CIDEC: variants seen among roughly 807,000 people sequenced by gnomAD.
The protein encoded by CIDEC is cell death inducing DFFA like effector c, also known as lipid transferase CIDEC.
In CIDEC, 11 loss-of-function variants were observed where a neutral mutation model predicts 21.9. The observed-to-expected ratio is 0.50, with a 90% confidence interval of 0.32 to 0.83. The LOEUF is 0.83. Among genes scored for constraint, CIDEC ranks in the 40% least tolerant of loss-of-function variants. CIDEC has a pLI of 0.04. For synonymous variants in CIDEC, 127 were observed against 124.9 expected, an observed-to-expected ratio of 1.02 and a Z score of -0.11; for missense variants, 302 against 302.3, an observed-to-expected ratio of 1.00 and a Z score of 0.01.
In CIDEC at chr3:9,878,473, A is replaced by G. The variant is rs2082458552; in HGVS notation, c.14T>C (p.Met5Thr). Reference protein sequence around the residue: MEYAMKSLSLLYPKS... With the variant: MEYATKSLSLLYPKS... ...GGGGTAGAGAAGGCTAAGGGACTTCATGGCGTATTCCATCCTTGTCAGCTG... is the reference window on the plus strand; with the variant it reads ...GGGGTAGAGAAGGCTAAGGGACTTCGTGGCGTATTCCATCCTTGTCAGCTG... The change falls in exon 3 of 7, where the codon ATG (methionine) becomes ACG (threonine). Residue 5 changes from methionine (M) to threonine (T), a missense_variant. Coordinates refer to ENST00000336832, the MANE Select transcript of CIDEC (RefSeq NM_001321142.2). 1 of 1,614,094 alleles carries G rather than the reference A, an allele frequency of 6.2e-7. No homozygotes were observed. Among genetic ancestry groups the G allele is most frequent in the African/African-American group, 1.3e-5 (1 of 75,040 alleles).
At chr3:9,874,212 CAAATAAAT>C (rs75119489) in intron 4 of CIDEC, among the ~76,000 whole-genome samples, 2 of 151,804 alleles carry the variant, frequency 1.3e-5, no homozygotes, top group East Asian at 1.9e-4. Context: ...CCTTTTGAAA[CAAATAAAT>C]AAATAAATAA....
intron 4 of CIDEC, among the ~76,000 whole-genome samples, chr3:9,876,774 A>AAC (rs1310124495): frequency 7.6e-6 from 1 of 130,792 alleles, no homozygotes; most frequent in African/African-American, 2.8e-5. Context: ...AAAAAAAAAA[A>AAC]AAAAAAAAAA....
At chr3:9,876,279 G>A (rs1189213192) in intron 4 of CIDEC, among the ~76,000 whole-genome samples, 2 of 152,138 alleles carry the variant, frequency 1.3e-5, no homozygotes, top group Non-Finnish European at 2.9e-5. Flanking sequence ...TTTGAGACCA[G>A]CCTGGCCAAC....
In CIDEC at chr3:9,876,418, G is replaced by A. The variant is rs2125051163; in HGVS notation, c.207+648C>T. On this transcript the variant is annotated intron_variant, in intron 4 of 6. Transcript: ENST00000336832. ...GAACCTGGGAGGCGGAGACTTCAGT[G>A]AGCTGAGATCATGCCACTGCACTAC... 2.0e-5 allele frequency among the ~76,000 whole-genome samples: 3 copies of A among 152,196 alleles called. No homozygotes were observed. In the South Asian group the frequency reaches 6.2e-4, roughly 32 times the overall value.
rs143103983 is a variant in CIDEC at position 9,874,659 on chromosome 3, T to A, written c.207+2407A>T. 4.6e-5 allele frequency among the ~76,000 whole-genome samples: 7 copies of A among 152,296 alleles called. No individual in the cohort carries two copies. In the East Asian group the frequency reaches 1.3e-3, roughly 29 times the overall value. ...AAAATGTTACATAGAGAAGCTTGACTGTACCTACCACTTTATTCAAATAAT... is the reference window on the plus strand; with the variant it reads ...AAAATGTTACATAGAGAAGCTTGACAGTACCTACCACTTTATTCAAATAAT... On this transcript the variant is annotated intron_variant, in intron 4 of 6. Transcript: ENST00000336832.
At chr3:9,877,286 GCCAC>G in intron 3 of CIDEC, 67 bp from the exon 4 acceptor site, 2 of 1,464,794 alleles carry the variant, frequency 1.4e-6, no homozygotes, top group Non-Finnish European at 1.9e-6. Context: ...ACACAGGGGA[GCCAC>G]CTCCCCACCC....
Position 9,867,313 on chromosome 3 carries a change from G to A in CIDEC, c.555-17C>T. 6.2e-7 allele frequency: 1 copy of A among 1,613,834 alleles called. No homozygotes were observed. Among genetic ancestry groups the A allele is most frequent in the Non-Finnish European group, 8.5e-7 (1 of 1,179,920 alleles). On this transcript the variant is annotated splice_polypyrimidine_tract_variant and intron_variant, in intron 6 of 6. Coordinates refer to ENST00000336832, the MANE Select transcript of CIDEC (RefSeq NM_001321142.2). The stretch of plus-strand genomic sequence containing the variant: ...AAAGCTTCCCTGGGTGGAATGAGAG[G>A]GCACGCAAGTCAAAACCACGAAGTA...
Position 9,872,697 on chromosome 3 carries a change from A to G in CIDEC, c.208-2375T>C, listed in dbSNP as rs889868388. Among the ~76,000 whole-genome samples, 3 of 152,104 alleles carry G rather than the reference A, an allele frequency of 2.0e-5. No homozygotes were observed. The East Asian group carries it at 5.8e-4, about 29-fold the overall frequency. On this transcript the variant is annotated intron_variant, in intron 4 of 6. Coordinates refer to ENST00000336832, the MANE Select transcript of CIDEC (RefSeq NM_001321142.2). ...TCTTGCTAGTGTCCCTTGATATACA[A>G]AAGTTTTAGGCTGGGCGTAGTGGCT...
chr3:9,878,645 C>T, intron 2 of CIDEC, 134 bp from the exon 3 acceptor site: 1 of 1,258,692 alleles, frequency 7.9e-7, no homozygotes, highest in Non-Finnish European at 1.1e-6. Context: ...TCACACATAC[C>T]TCCCCCAGCC....
intron 4 of CIDEC, among the ~76,000 whole-genome samples, chr3:9,871,006 T>C (rs1482284234): frequency 6.6e-6 from 1 of 151,970 alleles, no homozygotes; most frequent in Non-Finnish European, 1.5e-5. Context: ...GATTTTAAAA[T>C]CTATTTATCA....
Position 9,867,263 on chromosome 3 carries a change from C to A in CIDEC, c.588G>T (p.Gln196His). The A allele has an allele frequency of 6.2e-7, 1 of 1,614,198 alleles. No individual in the cohort carries two copies. The highest frequency in any genetic ancestry group is 8.5e-7 in the Non-Finnish European group (1 of 1,180,042). ...TGCCAAGCAGTACGTGGCCTGTGGC[C>A]TGCATGCTGAAGAGGGCCCAGCGGA... ...EAFRWALFSMQATGHVLLGTS... is the reference protein window; with the variant it reads ...EAFRWALFSMHATGHVLLGTS... Residue 196 changes from glutamine (Q) to histidine (H), a missense_variant, in exon 7 of 7, where the codon CAG becomes CAT. Physicochemically the swap from Gln to His is conservative, Grantham distance 24. Coordinates refer to ENST00000336832, the MANE Select transcript of CIDEC (RefSeq NM_001321142.2).
chr3:9,874,933 A>G (rs994954113), intron 4 of CIDEC, among the ~76,000 whole-genome samples: 31 of 152,054 alleles, frequency 2.0e-4, no homozygotes, highest in East Asian at 1.2e-3. Flanking sequence ...GGGTCTCACC[A>G]TGTTGCCCAG....
chr3:9,872,977 A>C (rs1471636515), intron 4 of CIDEC, among the ~76,000 whole-genome samples: 2 of 152,170 alleles, frequency 1.3e-5, no homozygotes, highest in African/African-American at 4.8e-5. Flanking sequence ...TGACAGAGGA[A>C]GACTCTGTCT....
At chr3:9,877,721 G>C (rs150426771) in intron 3 of CIDEC, among the ~76,000 whole-genome samples, 1 of 152,084 alleles carries the variant, frequency 6.6e-6, no homozygotes, top group Non-Finnish European at 1.5e-5. Context: ...CTCAAACTTC[G>C]AAGGACACAT....
chr3:9,878,542 G>C, intron 2 of CIDEC, 31 bp from the exon 3 acceptor site: 1 of 1,582,508 alleles, frequency 6.3e-7, no homozygotes, highest in Non-Finnish European at 8.7e-7. Context: ...ATTCATCAGG[G>C]TGAGATGAGA....
intron 4 of CIDEC, among the ~76,000 whole-genome samples, chr3:9,871,778 G>A (rs2082351665): frequency 1.3e-5 from 2 of 151,890 alleles, no homozygotes; most frequent in African/African-American, 4.8e-5. Context: ...TTACAGACAT[G>A]TGCCACCACA....
chr3:9,869,626 A>G (rs936523863), intron 6 of CIDEC, among the ~76,000 whole-genome samples: 11 of 152,244 alleles, frequency 7.2e-5, no homozygotes, highest in Non-Finnish European at 7.3e-5. Context: ...AAATGTAGTT[A>G]CTAGAGTGGA....
At chr3:9,875,447 C>T (rs575843747) in intron 4 of CIDEC, among the ~76,000 whole-genome samples, 1 of 151,596 alleles carries the variant, frequency 6.6e-6, no homozygotes, top group South Asian at 2.1e-4. Flanking sequence ...AAATAGCTGG[C>T]TCATAATCTT....
chr3:9,868,021 C>T lies in CIDEC; in HGVS notation c.555-725G>A, dbSNP rs1295000440. On this transcript the variant is annotated intron_variant, in intron 6 of 6. Transcript: ENST00000336832. Reference sequence around the variant, plus strand: ...ATGCTGGCCTGGAAGGGATTGGTTTCATTATGTTTGTTTTCTTCATTAATA... The same window carrying T: ...ATGCTGGCCTGGAAGGGATTGGTTTTATTATGTTTGTTTTCTTCATTAATA... Among the ~76,000 whole-genome samples the T allele has an allele frequency of 2.0e-5, 3 of 152,160 alleles. 1 individual carries two copies. The highest frequency in any genetic ancestry group is 1.3e-4 in the Admixed American group (2 of 15,272).
Sources: allele counts gnomAD v4.1 joint callset (sites outside exome capture counted in the v4.1 genomes callset), GRCh38; gene constraint gnomAD v4.1.1; transcripts MANE v1.5; gene names NCBI Gene and HGNC (gene_info 2026-07-23, HGNC 2026-07-21).